Variants in SEPTIN10 observed in about 807,000 individuals in gnomAD.
SEPTIN10 encodes septin-10.
A neutral mutation model predicts 54.8 loss-of-function variants in SEPTIN10; 66 were observed. The observed-to-expected ratio is 1.21, with a 90% CI of 0.99 to 1.48. The LOEUF (loss-of-function observed/expected upper bound fraction) is 1.48, where lower values mean the gene tolerates loss of function less well. Among genes scored for constraint, SEPTIN10 ranks in the 40% most tolerant of loss-of-function variants. SEPTIN10 has a pLI of 0.00. For synonymous variants in SEPTIN10, 161 were observed against 181.0 expected, an observed-to-expected ratio of 0.89 and a Z score of 0.89; for missense variants, 620 against 545.6, an observed-to-expected ratio of 1.14 and a Z score of -1.36.
chr2:109,604,875 A>T (rs1697582814), intron 1 of SEPTIN10: 2 of 152,238 alleles, frequency 1.3e-5, no homozygotes, highest in South Asian at 4.1e-4. Flanking sequence ...GGCTGCAAGA[A>T]GCTGACTTCA....
At chr2:109,602,901 CAAAAA>C (rs34841715) in intron 1 of SEPTIN10, among the ~76,000 whole-genome samples, 2 of 110,396 alleles carry the variant, frequency 1.8e-5, no homozygotes, top group Non-Finnish European at 1.9e-5. Context: ...GACCCTGTCT[CAAAAA>C]AAAAAAAAAA....
At chr2:109,553,309 C>T (rs1176344507) in intron 8 of SEPTIN10, 90 bp from the exon 9 acceptor site, 1 of 1,365,284 alleles carries the variant, frequency 7.3e-7, no homozygotes, top group African/African-American at 1.4e-5. Flanking sequence ...CTTTGGGAGG[C>T]CGAGGCAGGT....
intron 9 of SEPTIN10, among the ~76,000 whole-genome samples, chr2:109,548,363 T>A (rs974750397): frequency 6.6e-6 from 1 of 152,144 alleles, no homozygotes; most frequent in African/African-American, 2.4e-5. Context: ...CTGGCATTCA[T>A]GCAAACAAAG....
chr2:109,559,891 A>G (rs1209758056), intron 8 of SEPTIN10, among the ~76,000 whole-genome samples: 1 of 142,338 alleles, frequency 7.0e-6, no homozygotes, highest in Non-Finnish European at 1.5e-5. Context: ...GTCCAGACCT[A>G]TGTAGCCTCC....
chr2:109,597,627 T>C (rs1179104938), intron 1 of SEPTIN10, among the ~76,000 whole-genome samples: 3 of 152,164 alleles, frequency 2.0e-5, no homozygotes, highest in Non-Finnish European at 4.4e-5. Context: ...TACATATATA[T>C]CACACACACA....
At chr2:109,612,431 G>C (rs749415886) in intron 1 of SEPTIN10, among the ~76,000 whole-genome samples, 1 of 152,086 alleles carries the variant, frequency 6.6e-6, no homozygotes, top group Non-Finnish European at 1.5e-5. Flanking sequence ...TCGTACTATG[G>C]GTTTGCCAGA....
intron 9 of SEPTIN10, chr2:109,552,841 T>C (rs754512843): frequency 9.7e-6 from 4 of 413,842 alleles, no homozygotes; most frequent in Non-Finnish European, 1.3e-5. Context: ...TTCCAGTTCA[T>C]TGTAAGAATT....
chr2:109,574,446 A>C, intron 5 of SEPTIN10, 135 bp downstream of exon 5: 1 of 300,046 alleles, frequency 3.3e-6, no homozygotes, highest in Admixed American at 6.2e-5. Flanking sequence ...TTATCTCTAA[A>C]AAAAAAAAAA....
chr2:109,601,135 G>A lies in SEPTIN10; in HGVS notation c.31-8016C>T, dbSNP rs527329977. Among the ~76,000 whole-genome samples the A allele has an allele frequency of 3.9e-4, 60 of 152,244 alleles. 1 individual carries two copies. In the South Asian group the frequency reaches 0.012, roughly 31 times the overall value. ...CATGGTTGATTAACCACTGGTCACT[G>A]GTATCAATTAACTTTCAGCCCCTCT... On this transcript the variant is annotated intron_variant, in intron 1 of 10. Transcript: ENST00000397712.
rs532253919 is a variant in SEPTIN10 at position 109,553,282 on chromosome 2, C to T, written c.1029-63G>A. On this transcript the variant is annotated intron_variant, in intron 8 of 10. Transcript: ENST00000397712. Reference sequence around the variant, plus strand: ...GATATAGGTCGGGTATGGCGGCTCACGCCTGTAATCCCAACACTTTGGGAG... The same window carrying T: ...GATATAGGTCGGGTATGGCGGCTCATGCCTGTAATCCCAACACTTTGGGAG... 1.1e-4 allele frequency: 177 copies of T among 1,564,310 alleles called. No individual in the cohort carries two copies. The African/African-American group carries it at 1.7e-3, about 15-fold the overall frequency.
At chr2:109,547,313 A>G (rs1196265324) in intron 9 of SEPTIN10, among the ~76,000 whole-genome samples, 3 of 151,548 alleles carry the variant, frequency 2.0e-5, no homozygotes, top group African/African-American at 7.3e-5. Flanking sequence ...CTCTTTGAGA[A>G]CTACTCATTG....
chr2:109,599,945 T>C (rs959595847), intron 1 of SEPTIN10, among the ~76,000 whole-genome samples: 2 of 152,238 alleles, frequency 1.3e-5, no homozygotes, highest in East Asian at 3.8e-4. Flanking sequence ...CTTCCTCTCA[T>C]GGCAGCCAAA....
chr2:109,553,630 ATCACCTGAGGTCAGGAGT>A (rs1420391129), intron 8 of SEPTIN10, among the ~76,000 whole-genome samples: 1 of 151,778 alleles, frequency 6.6e-6, no homozygotes, highest in Non-Finnish European at 1.5e-5. Flanking sequence ...AGGTGGGCAG[ATCACCTGAGGTCAGGAGT>A]TCAAGACCAG....
intron 9 of SEPTIN10, among the ~76,000 whole-genome samples, chr2:109,546,676 A>G (rs537079284): frequency 6.6e-6 from 1 of 152,326 alleles, no homozygotes; most frequent in East Asian, 1.9e-4. Flanking sequence ...TGAAAACTGT[A>G]CTAGTAAACA....
At chr2:109,567,717 G>T in intron 6 of SEPTIN10, 98 bp downstream of exon 6, 1 of 1,174,908 alleles carries the variant, frequency 8.5e-7, no homozygotes, top group Admixed American at 2.8e-5. Flanking sequence ...AGTCTTTTTG[G>T]AAGACACAAG....
intron 7 of SEPTIN10, 59 bp downstream of exon 7, chr2:109,565,704 A>G: frequency 7.4e-7 from 1 of 1,358,600 alleles, no homozygotes; most frequent in South Asian, 1.2e-5. Flanking sequence ...AAGGCATGAC[A>G]GGTAGCTTTG....
chr2:109,610,485 C>T (rs991029264), intron 1 of SEPTIN10, among the ~76,000 whole-genome samples: 7 of 152,088 alleles, frequency 4.6e-5, no homozygotes, highest in Admixed American at 2.0e-4. Context: ...GAGACTGAGA[C>T]GGGTGGATCA....
At chr2:109,612,237 T>C (rs1259048002) in intron 1 of SEPTIN10, among the ~76,000 whole-genome samples, 2 of 152,146 alleles carry the variant, frequency 1.3e-5, no homozygotes, top group Non-Finnish European at 2.9e-5. Context: ...GATTCCATTA[T>C]ATAAGTCTTG....
At chr2:109,571,453 GTAAC>G (rs1467773135) in intron 5 of SEPTIN10, among the ~76,000 whole-genome samples, 1 of 152,180 alleles carries the variant, frequency 6.6e-6, no homozygotes, top group African/African-American at 2.4e-5. Context: ...TGTACAGCAT[GTAAC>G]TATACTGGAT....
Sources: allele counts gnomAD v4.1 joint callset (sites outside exome capture counted in the v4.1 genomes callset), GRCh38; gene constraint gnomAD v4.1.1; transcripts MANE v1.5; gene names NCBI Gene and HGNC (gene_info 2026-07-23, HGNC 2026-07-21).